SP140: variants seen among roughly 807,000 people sequenced by gnomAD.
SP140 encodes nuclear body protein SP140.
In SP140, 81 loss-of-function variants were observed where a neutral mutation model predicts 125.0. That is an observed-to-expected ratio of 0.65 (90% CI 0.54 to 0.78). SP140 has a LOEUF of 0.78. Among genes scored for constraint, SP140 ranks in the 30% least tolerant of loss-of-function variants. SP140 has a pLI of 0.00. For missense variants in SP140, 858 were observed against 1,037.0 expected (o/e 0.83, Z 2.37); for synonymous variants, 312 against 354.0 (o/e 0.88, Z 1.33).
intron 4 of SP140, among the ~76,000 whole-genome samples, chr2:230,241,848 A>G (rs1407901781): frequency 2.0e-5 from 3 of 152,236 alleles, no homozygotes; most frequent in Non-Finnish European, 2.9e-5. Context: ...TTAATTTCAT[A>G]GAACTATTAA....
At chr2:230,239,335 C>T (rs1251806017) in intron 3 of SP140, among the ~76,000 whole-genome samples, 1 of 152,160 alleles carries the variant, frequency 6.6e-6, no homozygotes, top group African/African-American at 2.4e-5. Flanking sequence ...GCACATTGCA[C>T]CAGTATACTT....
chr2:230,315,032 GAC>G (rs1267218149), downstream of SP140, among the ~76,000 whole-genome samples: 2 of 152,234 alleles, frequency 1.3e-5, no homozygotes, highest in Non-Finnish European at 2.9e-5. Flanking sequence ...TATCTATGAA[GAC>G]AGACATGCAT....
At chr2:230,186,647 C>T in the SP140 span, among the ~76,000 whole-genome samples, 1 of 152,074 alleles carries the variant, frequency 6.6e-6, no homozygotes, top group Non-Finnish European at 1.5e-5. Context: ...GGTTTTTACT[C>T]CCCCTCCTCC....
chr2:230,271,314 A>G (rs951208198), intron 15 of SP140, among the ~76,000 whole-genome samples: 17 of 152,212 alleles, frequency 1.1e-4, no homozygotes, highest in Non-Finnish European at 2.1e-4. Flanking sequence ...GGCTGGAAGA[A>G]TTTTAGATTA....
intron 3 of SP140, among the ~76,000 whole-genome samples, chr2:230,216,418 A>T (rs2045181973): frequency 1.3e-5 from 2 of 152,212 alleles, no homozygotes; most frequent in African/African-American, 4.8e-5. Flanking sequence ...AAGGATTTCC[A>T]ACAGCTACCA....
intron 22 of SP140, among the ~76,000 whole-genome samples, chr2:230,307,747 G>A (rs944645586): frequency 1.3e-5 from 2 of 151,990 alleles, no homozygotes; most frequent in Admixed American, 6.5e-5. Flanking sequence ...GTAGGTATGC[G>A]ATCCAGGCCA....
At chr2:230,223,625 A>G (rs540619659), upstream of SP140, among the ~76,000 whole-genome samples, 10 of 152,354 alleles carry the variant, frequency 6.6e-5, no homozygotes, top group South Asian at 1.9e-3. Flanking sequence ...AATATGATCA[A>G]TCTGGGATTG....
chr2:230,264,849 G>A (rs1036067996), intron 12 of SP140, among the ~76,000 whole-genome samples: 3 of 152,198 alleles, frequency 2.0e-5, no homozygotes, highest in African/African-American at 7.2e-5. Flanking sequence ...CTCAGCTGTG[G>A]ATACCAGTGC....
rs1336912046 is a variant in SP140 at position 230,292,598 on chromosome 2, G to A, written c.1826-48G>A. 3 of 1,612,440 alleles carry A rather than the reference G, an allele frequency of 1.9e-6. No individual in the cohort carries two copies. The African/African-American group carries it at 4.0e-5, about 22-fold the overall frequency. ...AGTGTGGTGAGTGGCCATAGTCTGT[G>A]CGCTGGGAAAAAAGAGGGCTCAGGA... On this transcript the variant is annotated intron_variant, in intron 19 of 26. Transcript: ENST00000392045.
At position 230,312,622 on chromosome 2, in the gene SP140, G is replaced by A. The variant is rs779777294; in HGVS notation, c.2542G>A (p.Ala848Thr). ...TGGCCAAATGGGATTTAGACTGGAG[G>A]CTGAGTTTGAGAAGAATTTCAAGGA... ...DFGQMGFRLE[A>T]EFEKNFKEVF... The change falls in exon 27 of 27, where the codon GCT (alanine) becomes ACT (threonine). Residue 848 changes from alanine (A) to threonine (T), a missense_variant. Physicochemically the swap from Ala to Thr is moderately conservative, Grantham distance 58. Coordinates refer to ENST00000392045, the MANE Select transcript of SP140 (RefSeq NM_007237.5). 1 of 1,612,884 alleles carries A rather than the reference G, an allele frequency of 6.2e-7. No individual in the cohort carries two copies. The highest frequency in any genetic ancestry group is 8.5e-7 in the Non-Finnish European group (1 of 1,179,272).
chr2:230,220,661 C>A (rs992096238), intron 3 of SP140, among the ~76,000 whole-genome samples: 1 of 152,022 alleles, frequency 6.6e-6, no homozygotes, highest in African/African-American at 2.4e-5. Context: ...CTTCTCATGC[C>A]CCTTTTAAAG....
intron 1 of SP140, among the ~76,000 whole-genome samples, chr2:230,204,898 G>A (rs1316881753): frequency 6.6e-6 from 1 of 152,112 alleles, no homozygotes; most frequent in East Asian, 1.9e-4. Flanking sequence ...CACATGCCAA[G>A]GATCAAAGGG....
At chr2:230,251,111 T>G in intron 10 of SP140, 50 bp downstream of exon 10, 971 of 1,469,884 alleles carry the variant, frequency 6.6e-4, no homozygotes, top group Non-Finnish European at 8.4e-4. Flanking sequence ...GTCAGGAGGT[T>G]GAATTTGGAG....
chr2:230,281,712 A>G (rs949993457), intron 15 of SP140, among the ~76,000 whole-genome samples: 6 of 152,168 alleles, frequency 3.9e-5, no homozygotes, highest in African/African-American at 1.4e-4. Flanking sequence ...TTTGAGATTC[A>G]TCCATATTGT....
chr2:230,236,670 T>C (rs2048056780), intron 1 of SP140, among the ~76,000 whole-genome samples: 1 of 152,248 alleles, frequency 6.6e-6, no homozygotes, highest in African/African-American at 2.4e-5. Context: ...CAATCTGCCC[T>C]ACTCCAAATT....
chr2:230,302,616 A>G (rs2058389861), intron 22 of SP140, among the ~76,000 whole-genome samples: 2 of 152,228 alleles, frequency 1.3e-5, no homozygotes, highest in African/African-American at 4.8e-5. Context: ...CATTCTTTTC[A>G]TCAGTACCTG....
intron 4 of SP140, among the ~76,000 whole-genome samples, chr2:230,242,197 C>T (rs914789127): frequency 1.3e-5 from 2 of 151,374 alleles, no homozygotes; most frequent in African/African-American, 4.9e-5. Flanking sequence ...AAAATAAATA[C>T]CAAGAAATGG....
At chr2:230,221,824 C>T, upstream of SP140, 1 of 1,156,488 alleles carries the variant, frequency 8.6e-7, no homozygotes, top group South Asian at 1.3e-5. Context: ...AACAAACAAA[C>T]AAAAGTAAAG....
At chr2:230,295,044 C>A (rs924027201) in intron 21 of SP140, among the ~76,000 whole-genome samples, 1 of 152,222 alleles carries the variant, frequency 6.6e-6, no homozygotes, top group Non-Finnish European at 1.5e-5. Flanking sequence ...ACTGTGCAGA[C>A]CTGCTTTTTA....
Sources: gnomAD v4.1 joint callset for allele counts (sites outside exome capture counted in the v4.1 genomes callset) on GRCh38, gnomAD v4.1.1 for gene constraint, MANE v1.5 for transcripts, NCBI Gene and HGNC (gene_info 2026-07-23, HGNC 2026-07-21) for gene names.